MEGF11: variants seen among roughly 807,000 people sequenced by gnomAD.
MEGF11 encodes the protein multiple epidermal growth factor-like domains protein 11.
MEGF11 carries 126 observed loss-of-function variants against 146.6 expected under a neutral mutation model. The ratio of observed to expected loss-of-function variants is 0.86; its 90% confidence interval spans 0.74 to 1.00. The LOEUF (loss-of-function observed/expected upper bound fraction) is 1.00. Among genes scored for constraint, MEGF11 ranks in the 50% least tolerant of loss-of-function variants. MEGF11 has a pLI of 0.00. For missense variants in MEGF11, 1,509 were observed against 1,521.2 expected (o/e 0.99, Z 0.13); for synonymous variants, 532 against 583.4 (o/e 0.91, Z 1.27).
At position 66,209,362 on chromosome 15, in the gene MEGF11, C is replaced by A. The variant is rs28835630; in HGVS notation, c.-9+44243G>T. ...AAGACTCCATCTTAAAAAAAAAAAACAAAAAAAACTAAACACGCAAGTACC... is the reference window on the plus strand; with the variant it reads ...AAGACTCCATCTTAAAAAAAAAAAAAAAAAAAAACTAAACACGCAAGTACC... On this transcript the variant is annotated intron_variant, in intron 1 of 25. Transcript: ENST00000395614. Among the ~76,000 whole-genome samples, 128 of 149,968 alleles carry A rather than the reference C, an allele frequency of 8.5e-4. No individual in the cohort carries two copies. In the East Asian group the frequency reaches 0.02, roughly 24 times the overall value.
chr15:66,134,687 A>G (rs569885596), intron 1 of MEGF11, among the ~76,000 whole-genome samples: 1 of 152,288 alleles, frequency 6.6e-6, no homozygotes, highest in South Asian at 2.1e-4. Flanking sequence ...CTTAAACAAC[A>G]AGGTGCAGCT....
chr15:66,144,938 A>G (rs1453935297), intron 1 of MEGF11, among the ~76,000 whole-genome samples: 1 of 152,198 alleles, frequency 6.6e-6, no homozygotes. Context: ...GTTTCTCCCC[A>G]TAGAGCTTAT....
chr15:65,968,223 G>A (rs1225753645), intron 8 of MEGF11, among the ~76,000 whole-genome samples: 1 of 152,286 alleles, frequency 6.6e-6, no homozygotes, highest in East Asian at 1.9e-4. Flanking sequence ...TGAGGCAGAA[G>A]GGGAGGAAAA....
chr15:66,002,947 G>C (rs1304503863), intron 5 of MEGF11, among the ~76,000 whole-genome samples: 1 of 151,788 alleles, frequency 6.6e-6, no homozygotes, highest in Non-Finnish European at 1.5e-5. Context: ...GCTGAGCCTA[G>C]AATAGTTCTC....
chr15:66,095,462 G>A (rs905939977), intron 4 of MEGF11, among the ~76,000 whole-genome samples: 3 of 152,136 alleles, frequency 2.0e-5, no homozygotes, highest in South Asian at 2.1e-4. Flanking sequence ...TGTTTTTCCC[G>A]AAAGCAAGAG....
At chr15:66,183,513 C>T (rs913228602) in intron 1 of MEGF11, among the ~76,000 whole-genome samples, 5 of 149,436 alleles carry the variant, frequency 3.3e-5, no homozygotes, top group African/African-American at 7.4e-5. Context: ...ACCAACACCC[C>T]GTGCCACCCA....
chr15:66,042,322 C>T (rs757120205), intron 5 of MEGF11, among the ~76,000 whole-genome samples: 4 of 152,048 alleles, frequency 2.6e-5, no homozygotes, highest in Non-Finnish European at 4.4e-5. Flanking sequence ...GTTGGCCAGG[C>T]TAGTCTCGAA....
chr15:66,058,468 T>C (rs1025338971), intron 5 of MEGF11, among the ~76,000 whole-genome samples: 1 of 152,208 alleles, frequency 6.6e-6, no homozygotes, highest in Non-Finnish European at 1.5e-5. Context: ...TTTCAGGAGC[T>C]GTTAATAACA....
At chr15:66,156,853 G>A (rs535920495) in intron 1 of MEGF11, among the ~76,000 whole-genome samples, 12 of 152,108 alleles carry the variant, frequency 7.9e-5, no homozygotes, top group East Asian at 1.9e-4. Context: ...ACAGAGCAAC[G>A]CAAGAGGAAA....
At chr15:66,132,989 T>A (rs1339822462) in intron 1 of MEGF11, among the ~76,000 whole-genome samples, 1 of 152,304 alleles carries the variant, frequency 6.6e-6, no homozygotes, top group East Asian at 1.9e-4. Flanking sequence ...TTACTGACTC[T>A]GCAGCCAACC....
chr15:66,151,343 T>G (rs538842581), intron 1 of MEGF11, among the ~76,000 whole-genome samples: 1 of 152,086 alleles, frequency 6.6e-6, no homozygotes, highest in South Asian at 2.1e-4. Context: ...CTGAGCCACG[T>G]GGGGCTGAGC....
intron 4 of MEGF11, among the ~76,000 whole-genome samples, chr15:66,101,341 C>T (rs1276770364): frequency 6.6e-6 from 1 of 152,176 alleles, no homozygotes; most frequent in Non-Finnish European, 1.5e-5. Context: ...CCTCCCCACA[C>T]TGGGCCTTCA....
At chr15:66,156,535 G>A (rs892109273) in intron 1 of MEGF11, among the ~76,000 whole-genome samples, 5 of 152,014 alleles carry the variant, frequency 3.3e-5, no homozygotes, top group African/African-American at 7.2e-5. Context: ...ACCACTCCCT[G>A]TGTCAGGACA....
At chr15:66,235,050 G>A (rs1487463556) in intron 1 of MEGF11, among the ~76,000 whole-genome samples, 1 of 152,172 alleles carries the variant, frequency 6.6e-6, no homozygotes, top group African/African-American at 2.4e-5. Context: ...AAGCAGGAGA[G>A]GGGGCGCCAC....
At chr15:66,237,325 T>TC (rs5813387) in intron 1 of MEGF11, among the ~76,000 whole-genome samples, 69,515 of 151,572 alleles carry the variant, frequency 0.46, 16,870 homozygotes, top group East Asian at 0.68. Context: ...TCCAACTCAC[T>TC]CCCCCCAACA....
chr15:66,001,680 G>A (rs1379890837), intron 5 of MEGF11, among the ~76,000 whole-genome samples: 1 of 151,548 alleles, frequency 6.6e-6, no homozygotes, highest in African/African-American at 2.4e-5. Context: ...GGGTCCTGAA[G>A]AGGTGGAGGT....
chr15:65,915,711 A>C (rs545345270), intron 18 of MEGF11, 113 bp from the exon 19 acceptor site: 35 of 1,354,134 alleles, frequency 2.6e-5, no homozygotes, highest in Non-Finnish European at 3.4e-5. Flanking sequence ...AGTGAAGCCT[A>C]TTCCCTTAGC....
chr15:66,183,535 C>CAA (rs1491447055), intron 1 of MEGF11, among the ~76,000 whole-genome samples: 1 of 99,508 alleles, frequency 1.0e-5, no homozygotes, highest in Non-Finnish European at 2.0e-5. Context: ...ACCCCCCTGC[C>CAA]AAAAAGAAAA....
chr15:65,909,197 G>C (rs558013046), intron 22 of MEGF11, 62 bp from the exon 23 acceptor site: 7 of 1,202,218 alleles, frequency 5.8e-6, no homozygotes, highest in Non-Finnish European at 7.1e-6. Flanking sequence ...GCAGGGGAAG[G>C]GGGTAGGAAG....
Sources: allele counts gnomAD v4.1 joint callset (sites outside exome capture counted in the v4.1 genomes callset), GRCh38; gene constraint gnomAD v4.1.1; transcripts MANE v1.5; gene names NCBI Gene and HGNC (gene_info 2026-07-23, HGNC 2026-07-21).